The following ENTREP2 variants were observed in gnomAD, a reference collection of about 807,000 sequenced individuals.
ENTREP2 encodes the protein endosomal transmembrane epsin interactor 2.
chr15:29,378,568 C>T, the ENTREP2 span, among the ~76,000 whole-genome samples: 1 of 152,146 alleles, frequency 6.6e-6, no homozygotes, highest in South Asian at 2.1e-4. Context: ...GAGAAAATGA[C>T]GGACCTGCTA....
At chr15:29,235,175 T>C in the ENTREP2 span, 2 of 704,718 alleles carry the variant, frequency 2.8e-6, no homozygotes, top group South Asian at 1.5e-5. Flanking sequence ...AGACCCTACC[T>C]GAATCTTTTC....
the ENTREP2 span, among the ~76,000 whole-genome samples, chr15:29,451,547 G>A: frequency 1.3e-5 from 2 of 152,242 alleles, no homozygotes; most frequent in Non-Finnish European, 2.9e-5. Context: ...AGAGCAGGCA[G>A]AGGTCAGGGC....
At chr15:29,123,587 A>G in the ENTREP2 span, 30 of 1,551,628 alleles carry the variant, frequency 1.9e-5, no homozygotes, top group East Asian at 2.4e-4. Flanking sequence ...TCAGTTTTCC[A>G]GGTATCTGGG....
the ENTREP2 span, among the ~76,000 whole-genome samples, chr15:29,259,459 G>A: frequency 6.6e-6 from 1 of 152,288 alleles, no homozygotes; most frequent in East Asian, 1.9e-4. Context: ...GCTGCCAAAA[G>A]AGTTTACTGT....
At chr15:29,360,031 T>A in the ENTREP2 span, among the ~76,000 whole-genome samples, 1 of 152,214 alleles carries the variant, frequency 6.6e-6, no homozygotes, top group Non-Finnish European at 1.5e-5. Context: ...TAGAATTTTT[T>A]AAAACCTGGG....
chr15:29,548,523 A>G, the ENTREP2 span, among the ~76,000 whole-genome samples: 2 of 152,122 alleles, frequency 1.3e-5, no homozygotes, highest in African/African-American at 2.4e-5. Context: ...TTAAAAATTG[A>G]ATTAAGCTGA....
chr15:29,363,591 A>T, the ENTREP2 span, among the ~76,000 whole-genome samples: 3 of 149,712 alleles, frequency 2.0e-5, no homozygotes, highest in African/African-American at 7.7e-5. Context: ...AGAGAGAAAT[A>T]AAAAAACCAC....
At chr15:29,600,253 T>C in the ENTREP2 span, among the ~76,000 whole-genome samples, 1 of 152,190 alleles carries the variant, frequency 6.6e-6, no homozygotes, top group Non-Finnish European at 1.5e-5. Flanking sequence ...TGCTGGAAAT[T>C]CCAGAGTCAA....
chr15:29,422,911 A>C, the ENTREP2 span, among the ~76,000 whole-genome samples: 1 of 152,214 alleles, frequency 6.6e-6, no homozygotes, highest in Non-Finnish European at 1.5e-5. Context: ...GTACCTAAGA[A>C]GGCTAGGGGA....
chr15:29,165,349 C>T, the ENTREP2 span, among the ~76,000 whole-genome samples: 21 of 151,872 alleles, frequency 1.4e-4, no homozygotes, highest in East Asian at 3.3e-3. Flanking sequence ...GAAATTGAAA[C>T]AAACAAACAA....
the ENTREP2 span, among the ~76,000 whole-genome samples, chr15:29,192,311 C>A: frequency 6.6e-6 from 1 of 152,108 alleles, no homozygotes; most frequent in Non-Finnish European, 1.5e-5. Context: ...CATCTATAAA[C>A]CCCTAAGAGA....
the ENTREP2 span, among the ~76,000 whole-genome samples, chr15:29,493,616 T>G: frequency 1.3e-5 from 2 of 151,830 alleles, no homozygotes; most frequent in Non-Finnish European, 2.9e-5. Flanking sequence ...ATCCTGTCTC[T>G]AAAAATAAAT....
chr15:29,138,916 G>C, the ENTREP2 span, among the ~76,000 whole-genome samples: 1 of 152,210 alleles, frequency 6.6e-6, no homozygotes, highest in Admixed American at 6.6e-5. Flanking sequence ...TCAAGCCCCA[G>C]AACAGGTGAG....
chr15:29,207,455 C>CGGGGGGGGGGGGGGGGG, the ENTREP2 span, among the ~76,000 whole-genome samples: 1 of 123,082 alleles, frequency 8.1e-6, no homozygotes, highest in Non-Finnish European at 1.7e-5. Context: ...GGTTGGGGGG[C>CGGGGGGGGGGGGGGGGG]GGGGGGGGTG....
At chr15:29,356,166 T>G in the ENTREP2 span, among the ~76,000 whole-genome samples, 1 of 148,696 alleles carries the variant, frequency 6.7e-6, no homozygotes, top group African/African-American at 2.6e-5. Flanking sequence ...TTATCTTTGG[T>G]TTTGGTAATT....
the ENTREP2 span, among the ~76,000 whole-genome samples, chr15:29,626,753 A>G: frequency 6.6e-6 from 1 of 152,134 alleles, no homozygotes; most frequent in African/African-American, 2.4e-5. Context: ...GAAAAACGTG[A>G]GCTTTCACCA....
the ENTREP2 span, chr15:29,375,222 T>C: frequency 6.6e-6 from 1 of 152,202 alleles, no homozygotes; most frequent in Non-Finnish European, 1.5e-5. Context: ...CTGTATACAA[T>C]GCCCAGGTGA....
At chr15:29,438,976 T>G in the ENTREP2 span, among the ~76,000 whole-genome samples, 1 of 152,160 alleles carries the variant, frequency 6.6e-6, no homozygotes, top group Non-Finnish European at 1.5e-5. Context: ...TGGCTCAGTA[T>G]TCACTAACTG....
the ENTREP2 span, chr15:29,613,322 G>C: frequency 4.4e-6 from 1 of 229,264 alleles, no homozygotes; most frequent in African/African-American, 2.3e-5. Flanking sequence ...TTTTCGGTCA[G>C]TTTGGGGCAG....
Sources: gnomAD v4.1 joint callset for allele counts (sites outside exome capture counted in the v4.1 genomes callset) on GRCh38, gnomAD v4.1.1 for gene constraint, MANE v1.5 for transcripts, NCBI Gene and HGNC (gene_info 2026-07-23, HGNC 2026-07-21) for gene names.